GLI2: variants seen among roughly 807,000 people sequenced by gnomAD.
GLI2 encodes GLI family zinc finger 2.
In GLI2, 22 loss-of-function variants were observed where a neutral mutation model predicts 78.9. That is an observed-to-expected ratio of 0.28 (90% confidence interval 0.20 to 0.40). GLI2 has a LOEUF of 0.40. GLI2 is among the 10% of genes least tolerant of loss of function. GLI2 has a pLI of 1.00. For missense variants in GLI2, 2,097 were observed against 2,213.2 expected (o/e 0.95, Z 1.05); for synonymous variants, 974 against 963.7 (o/e 1.01, Z -0.20).
chr2:120,932,508 G>A (rs909428696), intron 3 of GLI2, among the ~76,000 whole-genome samples: 25 of 152,268 alleles, frequency 1.6e-4, no homozygotes, highest in African/African-American at 5.8e-4. Context: ...TCACCCAAGA[G>A]CCTGCCATTG....
chr2:120,944,617 G>T (rs933059118), intron 3 of GLI2, among the ~76,000 whole-genome samples: 1 of 152,216 alleles, frequency 6.6e-6, no homozygotes, highest in African/African-American at 2.4e-5. Context: ...GACAGCGAGG[G>T]TGGAGCCAGC....
intron 3 of GLI2, among the ~76,000 whole-genome samples, chr2:120,942,612 G>T (rs1680504018): frequency 6.6e-6 from 1 of 152,164 alleles, no homozygotes; most frequent in Non-Finnish European, 1.5e-5. Context: ...ATATCTCTGG[G>T]AGATCTCATG....
In GLI2 at chr2:120,968,765, C is replaced by A; in HGVS notation, c.695C>A (p.Ala232Glu). ...ACGCCCCGCCTGAGCCGCAAGCGGGCGCTGTCCATCTCCCCACTCTCAGAC... is the reference window on the plus strand; with the variant it reads ...ACGCCCCGCCTGAGCCGCAAGCGGGAGCTGTCCATCTCCCCACTCTCAGAC... ...RVTPRLSRKR[A>E]LSISPLSDAS... Residue 232 changes from alanine to glutamate, a missense_variant, in exon 6 of 14, where the codon GCG becomes GAG. By Grantham distance (107) the Ala-to-Glu change is moderately radical. This residue lies in a region of GLI2 where 578 missense variants were observed against 612.0 expected (regional missense o/e 0.94). Transcript: ENST00000361492. The A allele has an allele frequency of 6.2e-7, 1 of 1,613,546 alleles. No individual in the cohort carries two copies. Among genetic ancestry groups the A allele is most frequent in the Non-Finnish European group, 8.5e-7 (1 of 1,179,838 alleles).
At chr2:120,962,600 C>T (rs966751101) in intron 5 of GLI2, among the ~76,000 whole-genome samples, 16 of 152,214 alleles carry the variant, frequency 1.1e-4, no homozygotes, top group Admixed American at 3.9e-4. Context: ...CGTGGCCGAC[C>T]GGCATTAAAA....
intron 2 of GLI2, among the ~76,000 whole-genome samples, chr2:120,886,161 TGTGTGTGTGTGTGTGTG>T (rs1289252104): frequency 6.2e-3 from 22 of 3,528 alleles, no homozygotes; most frequent in Non-Finnish European, 9.8e-3. Flanking sequence ...TTTTCCAAAG[TGTGTGTGTGTGTGTGTG>T]TGTGTGTGTG....
chr2:120,929,561 G>C (rs1403186942), intron 3 of GLI2, among the ~76,000 whole-genome samples: 1 of 152,226 alleles, frequency 6.6e-6, no homozygotes, highest in African/African-American at 2.4e-5. Context: ...CTATTGTTAT[G>C]CACATGGATG....
intron 2 of GLI2, among the ~76,000 whole-genome samples, chr2:120,875,812 TG>T (rs1047794731): frequency 6.8e-6 from 1 of 146,498 alleles, no homozygotes; most frequent in Non-Finnish European, 1.5e-5. Context: ...GGGGATGAGG[TG>T]GGGGGGCTGG....
intron 5 of GLI2, among the ~76,000 whole-genome samples, chr2:120,968,278 T>A (rs1292504040): frequency 2.6e-5 from 4 of 152,182 alleles, no homozygotes; most frequent in Admixed American, 2.6e-4. Flanking sequence ...GGAGGGGGCC[T>A]GTGGACAATG....
At chr2:120,789,881 G>T (rs938640793) in intron 1 of GLI2, among the ~76,000 whole-genome samples, 2 of 152,228 alleles carry the variant, frequency 1.3e-5, no homozygotes, top group African/African-American at 4.8e-5. Flanking sequence ...TGAAAGCAAG[G>T]TTCGAGATAT....
At chr2:120,854,300 C>T (rs556882055) in intron 2 of GLI2, among the ~76,000 whole-genome samples, 85 of 152,314 alleles carry the variant, frequency 5.6e-4, no homozygotes, top group African/African-American at 1.9e-3. Context: ...GTGACCCTGG[C>T]AGGCCCTGTC....
At chr2:120,913,461 G>GT (rs970790854) in intron 2 of GLI2, among the ~76,000 whole-genome samples, 3 of 151,934 alleles carry the variant, frequency 2.0e-5, no homozygotes, top group African/African-American at 7.3e-5. Flanking sequence ...TTTCTTTTTA[G>GT]TTTTTTTTAA....
In GLI2 at chr2:120,800,503, AT is replaced by A. The variant is rs1684651882; in HGVS notation, c.148+3040del. Among the ~76,000 whole-genome samples, 1 of 145,838 alleles carries A rather than the reference AT, an allele frequency of 6.9e-6. No homozygotes were observed. Among genetic ancestry groups the A allele is most frequent in the African/African-American group, 2.5e-5 (1 of 39,884 alleles). On this transcript the variant is annotated intron_variant, in intron 2 of 13. Coordinates refer to ENST00000361492, the MANE Select transcript of GLI2 (RefSeq NM_001374353.1). This position sits in a 1 kb window ranked among gnomAD's most constrained non-coding sequence, Gnocchi z 4.1. The stretch of plus-strand genomic sequence containing the variant: ...TATTATTATTATTATTTTATTTTTT[AT>A]TTTTATTTATTTATTTTTTTGAGAC...
chr2:120,902,193 C>A (rs1234436378), intron 2 of GLI2, among the ~76,000 whole-genome samples: 5 of 148,154 alleles, frequency 3.4e-5, no homozygotes, highest in Non-Finnish European at 5.9e-5. Context: ...CCACCCCCCC[C>A]CACCCCCAAC....
chr2:120,740,904 G>A, intron 1 of GLI2, among the ~76,000 whole-genome samples: 1 of 152,198 alleles, frequency 6.6e-6, no homozygotes, highest in East Asian at 1.9e-4. Flanking sequence ...GCTGAGGCGG[G>A]GACTCCACAG....
intron 2 of GLI2, among the ~76,000 whole-genome samples, chr2:120,875,587 T>C (rs1321905589): frequency 1.3e-5 from 2 of 152,216 alleles, no homozygotes; most frequent in Admixed American, 6.5e-5. Flanking sequence ...GCTGCTGCTG[T>C]TTATGGAGCA....
chr2:120,758,738 G>A (rs1683113926), intron 1 of GLI2, among the ~76,000 whole-genome samples: 1 of 152,222 alleles, frequency 6.6e-6, no homozygotes, highest in South Asian at 2.1e-4. Context: ...TGCGGGTGAG[G>A]GCCGTGGGTG....
At chr2:120,914,321 A>G (rs1452115229) in intron 2 of GLI2, among the ~76,000 whole-genome samples, 1 of 152,206 alleles carries the variant, frequency 6.6e-6, no homozygotes. Context: ...AAGGAGCACT[A>G]GGGCCTGGGC....
chr2:120,745,364 G>A (rs1412149944), intron 1 of GLI2, among the ~76,000 whole-genome samples: 1 of 152,176 alleles, frequency 6.6e-6, no homozygotes, highest in Non-Finnish European at 1.5e-5. Flanking sequence ...CCACACTTAG[G>A]TTTGGTTGAA....
At chr2:120,868,708 A>G (rs1688276200) in intron 2 of GLI2, among the ~76,000 whole-genome samples, 1 of 152,180 alleles carries the variant, frequency 6.6e-6, no homozygotes, top group Admixed American at 6.5e-5. Context: ...GACTTGCTAG[A>G]AGAGAAATGG....
Sources: gnomAD v4.1 joint callset for allele counts (sites outside exome capture counted in the v4.1 genomes callset) on GRCh38, gnomAD v4.1.1 for gene constraint, gnomAD v4.1.1 regional missense constraint, Gnocchi (gnomAD v3.1) non-coding constraint, MANE v1.5 for transcripts, NCBI Gene and HGNC (gene_info 2026-07-23, HGNC 2026-07-21) for gene names.